OLFM3: variants seen among roughly 807,000 people sequenced by gnomAD.
OLFM3 encodes noelin-3.
In OLFM3, 20 loss-of-function variants were observed where a neutral mutation model predicts 48.6. The observed-to-expected ratio is 0.41, with a 90% CI of 0.29 to 0.60. The LOEUF (loss-of-function observed/expected upper bound fraction) is 0.60, where lower values mean the gene tolerates loss of function less well. Among genes scored for constraint, OLFM3 ranks in the 20% least tolerant of loss-of-function variants. OLFM3 has a pLI of 0.28. For missense variants in OLFM3, 437 were observed against 544.3 expected (o/e 0.80, Z 1.96); for synonymous variants, 222 against 198.1 (o/e 1.12, Z -1.01).
intron 1 of OLFM3, among the ~76,000 whole-genome samples, chr1:101,888,035 T>C (rs1174546440): frequency 1.3e-5 from 2 of 152,074 alleles, no homozygotes; most frequent in Non-Finnish European, 1.5e-5. Context: ...TGGGAAAAAT[T>C]AAATGTGAAG....
intron 1 of OLFM3, among the ~76,000 whole-genome samples, chr1:101,956,832 C>G (rs941758031): frequency 6.6e-6 from 1 of 151,868 alleles, no homozygotes; most frequent in Non-Finnish European, 1.5e-5. Flanking sequence ...GAGATGGTAT[C>G]TTTTGCATCT....
intron 1 of OLFM3, among the ~76,000 whole-genome samples, chr1:101,949,385 C>G (rs1346725158): frequency 6.6e-6 from 1 of 152,124 alleles, no homozygotes; most frequent in African/African-American, 2.4e-5. Flanking sequence ...TTTAAAATAT[C>G]ACGTACATGC....
At chr1:101,834,043 G>A (rs1655288144) in intron 2 of OLFM3, among the ~76,000 whole-genome samples, 1 of 152,168 alleles carries the variant, frequency 6.6e-6, no homozygotes, top group South Asian at 2.1e-4. Flanking sequence ...AGCAATTTTA[G>A]TTTTGGCATA....
At chr1:101,985,583 G>T (rs902398153) in intron 1 of OLFM3, among the ~76,000 whole-genome samples, 2 of 152,152 alleles carry the variant, frequency 1.3e-5, no homozygotes, top group African/African-American at 4.8e-5. Flanking sequence ...CTCTGTTATA[G>T]ATTTGAAATA....
chr1:101,806,042 A>G, intron 5 of OLFM3, 34 bp downstream of exon 5: 1 of 1,500,808 alleles, frequency 6.7e-7, no homozygotes, highest in Non-Finnish European at 9.3e-7. Context: ...GCAGAACTTA[A>G]TTCTAAGCAA....
At chr1:101,912,624 G>A (rs1039568199) in intron 1 of OLFM3, among the ~76,000 whole-genome samples, 3 of 152,142 alleles carry the variant, frequency 2.0e-5, no homozygotes, top group Non-Finnish European at 4.4e-5. Flanking sequence ...CTGCAGAGAC[G>A]CCTACAGGGA....
At chr1:101,931,794 A>C (rs1201042810) in intron 1 of OLFM3, among the ~76,000 whole-genome samples, 1 of 152,150 alleles carries the variant, frequency 6.6e-6, no homozygotes, top group African/African-American at 2.4e-5. Context: ...GGGTAACCTG[A>C]ATTTTCCATC....
intron 1 of OLFM3, among the ~76,000 whole-genome samples, chr1:101,950,089 A>G (rs1259834999): frequency 6.6e-6 from 1 of 151,844 alleles, no homozygotes; most frequent in Non-Finnish European, 1.5e-5. Context: ...TGAGGATTCA[A>G]TCTAAAATTT....
chr1:101,894,969 A>G (rs149923030), intron 1 of OLFM3, among the ~76,000 whole-genome samples: 409 of 152,288 alleles, frequency 2.7e-3, no homozygotes, highest in Non-Finnish European at 5.1e-3. Context: ...TACAGGGGAC[A>G]TGATCCCAGT....
At chr1:101,903,838 A>G (rs1327602608) in intron 1 of OLFM3, among the ~76,000 whole-genome samples, 1 of 152,056 alleles carries the variant, frequency 6.6e-6, no homozygotes, top group Admixed American at 6.6e-5. Flanking sequence ...TTTTACCATT[A>G]TAATACTTAT....
intron 1 of OLFM3, among the ~76,000 whole-genome samples, chr1:101,951,333 A>C (rs887363989): frequency 6.6e-6 from 1 of 152,226 alleles, no homozygotes; most frequent in African/African-American, 2.4e-5. Context: ...AAGGAAAATC[A>C]AAGTATCAAC....
chr1:101,884,725 C>A (rs1657678021), intron 1 of OLFM3, among the ~76,000 whole-genome samples: 2 of 151,948 alleles, frequency 1.3e-5, no homozygotes, highest in Admixed American at 6.6e-5. Context: ...AATGAGAATC[C>A]TTTTTCTGGA....
chr1:101,953,446 T>C (rs919848281), intron 1 of OLFM3, among the ~76,000 whole-genome samples: 1 of 152,196 alleles, frequency 6.6e-6, no homozygotes, highest in African/African-American at 2.4e-5. Context: ...AAAATATTTA[T>C]GATTTGGCAC....
chr1:101,815,863 A>T (rs1309783193), intron 4 of OLFM3, among the ~76,000 whole-genome samples: 1 of 152,238 alleles, frequency 6.6e-6, no homozygotes, highest in East Asian at 1.9e-4. Context: ...CATAATGATG[A>T]CAGTGAAAGC....
At chr1:101,909,239 G>T (rs566482396) in intron 1 of OLFM3, among the ~76,000 whole-genome samples, 1 of 152,030 alleles carries the variant, frequency 6.6e-6, no homozygotes, top group South Asian at 2.1e-4. Context: ...AGGTATTGCA[G>T]ATCTAAGGAC....
chr1:101,956,562 C>T (rs573565843), intron 1 of OLFM3, among the ~76,000 whole-genome samples: 23 of 151,992 alleles, frequency 1.5e-4, no homozygotes, highest in African/African-American at 5.5e-4. Context: ...TGCCAGAGTT[C>T]TACCTTCAAT....
intron 1 of OLFM3, among the ~76,000 whole-genome samples, chr1:101,939,797 C>A (rs1659731088): frequency 6.6e-6 from 1 of 152,012 alleles, no homozygotes; most frequent in Non-Finnish European, 1.5e-5. Context: ...TAAGGGAAGT[C>A]TTTTGTTTTT....
chr1:101,915,129 T>A (rs1200624141), intron 1 of OLFM3, among the ~76,000 whole-genome samples: 3 of 152,136 alleles, frequency 2.0e-5, no homozygotes, highest in Non-Finnish European at 4.4e-5. Flanking sequence ...GTGTACGCAA[T>A]ACAACATTGC....
intron 1 of OLFM3, among the ~76,000 whole-genome samples, chr1:101,898,617 G>C (rs1486250502): frequency 6.6e-6 from 1 of 152,200 alleles, no homozygotes. Flanking sequence ...GAGAGGCCAA[G>C]GTGGGTGGAT....
Sources: gnomAD v4.1 joint callset for allele counts (sites outside exome capture counted in the v4.1 genomes callset) on GRCh38, gnomAD v4.1.1 for gene constraint, MANE v1.5 for transcripts, NCBI Gene and HGNC (gene_info 2026-07-23, HGNC 2026-07-21) for gene names.